The following FRMD5 variants were observed in gnomAD, a reference collection of about 807,000 sequenced individuals.
FRMD5 encodes the protein FERM domain containing 5, also known as FERM domain-containing protein 5.
A neutral mutation model predicts 69.0 loss-of-function variants in FRMD5; 20 were observed. The observed-to-expected ratio is 0.29, with a 90% confidence interval of 0.20 to 0.42. The LOEUF is 0.42. Ranked by LOEUF, FRMD5 falls within the 10% of genes least tolerant of loss-of-function variation. FRMD5 has a pLI of 1.00. For synonymous variants in FRMD5, 271 were observed against 260.1 expected (o/e 1.04, Z -0.40); for missense variants, 595 against 708.6 (o/e 0.84, Z 1.82).
At chr15:43,886,919 T>A (rs2088676454) in intron 10 of FRMD5, among the ~76,000 whole-genome samples, 3 of 152,054 alleles carry the variant, frequency 2.0e-5, no homozygotes, top group Admixed American at 1.3e-4. Flanking sequence ...AATGGAAAAC[T>A]GAAAAATGAC....
chr15:43,905,897 A>G lies in FRMD5; in HGVS notation c.482T>C (p.Phe161Ser), dbSNP rs749681148. The change falls in exon 6 of 14, where the codon TTC becomes TCC. Residue 161 changes from phenylalanine to serine, a missense_variant. Transcript: ENST00000417257. ...GKHPEGYSSK[F>S]QFFPKHSEKL... ...CTCTGAATGTTTAGGGAAAAACTGG[A>G]ACTTGGAGCTGTAGCCTTCAGGGTG... is the stretch of plus-strand genomic sequence containing the variant. 18 of 1,614,230 alleles carry G rather than the reference A, an allele frequency of 1.1e-5. No homozygotes were observed. The highest frequency in any genetic ancestry group is 1.5e-5 in the Non-Finnish European group (18 of 1,180,038).
chr15:44,042,192 T>C (rs921551242), intron 1 of FRMD5, among the ~76,000 whole-genome samples: 1 of 152,162 alleles, frequency 6.6e-6, no homozygotes, highest in Non-Finnish European at 1.5e-5. Context: ...AAGAAATGGA[T>C]AAATTCCGGG....
Position 43,873,064 on chromosome 15 carries a change from TA to T in FRMD5, c.*820del. The T allele has an allele frequency of 2.0e-6, 2 of 990,580 alleles. No homozygotes were observed. The highest frequency in any genetic ancestry group is 3.1e-6 in the Non-Finnish European group (2 of 652,934). The allele number at this position is 990,580 out of a possible 1,614,324, so 61.4% of individuals were successfully genotyped here. ...TTCGTTTAACGCCCCTGGAGCACTA[TA>T]AAAGTCTTGAGGTTCTTCGGAAAAA... On this transcript the variant is annotated 3_prime_UTR_variant, in exon 14 of 14. Transcript: ENST00000417257.
At chr15:43,950,497 G>A (rs1416989982) in intron 1 of FRMD5, among the ~76,000 whole-genome samples, 5 of 152,132 alleles carry the variant, frequency 3.3e-5, no homozygotes, top group African/African-American at 1.2e-4. Context: ...GCTACCTCAG[G>A]CATACTTGGA....
chr15:43,939,934 T>C (rs940214745), intron 1 of FRMD5, among the ~76,000 whole-genome samples: 2 of 152,070 alleles, frequency 1.3e-5, no homozygotes, highest in Non-Finnish European at 2.9e-5. Flanking sequence ...TCCCAGCGCT[T>C]TGGGAGGCAA....
chr15:44,147,229 C>T (rs2077370607), intron 1 of FRMD5, among the ~76,000 whole-genome samples: 1 of 152,108 alleles, frequency 6.6e-6, no homozygotes, highest in African/African-American at 2.4e-5. Context: ...TTCCCAGCAC[C>T]ATTTATTAAA....
chr15:44,069,890 A>T (rs961575628), intron 1 of FRMD5, among the ~76,000 whole-genome samples: 2 of 152,162 alleles, frequency 1.3e-5, no homozygotes, highest in Non-Finnish European at 2.9e-5. Context: ...TTTAATTTTT[A>T]AAAAATAGCT....
chr15:44,163,597 A>C (rs1442639966), intron 1 of FRMD5, among the ~76,000 whole-genome samples: 1 of 152,228 alleles, frequency 6.6e-6, no homozygotes, highest in Non-Finnish European at 1.5e-5. Flanking sequence ...TATGACTAAC[A>C]AAAGCTGAGT....
intron 1 of FRMD5, among the ~76,000 whole-genome samples, chr15:44,007,091 T>A (rs975956562): frequency 6.6e-6 from 1 of 152,162 alleles, no homozygotes; most frequent in Non-Finnish European, 1.5e-5. Context: ...CCCTGACCAG[T>A]CAGCAGCTGT....
At chr15:44,071,549 C>T (rs1399330508) in intron 1 of FRMD5, among the ~76,000 whole-genome samples, 2 of 152,220 alleles carry the variant, frequency 1.3e-5, no homozygotes, top group Non-Finnish European at 1.5e-5. Context: ...TTGGGACTAA[C>T]ATTTTACCAC....
chr15:43,902,276 G>C lies in FRMD5; in HGVS notation c.552-14C>G, dbSNP rs750173752. On this transcript the variant is annotated splice_polypyrimidine_tract_variant and intron_variant, in intron 6 of 13. Transcript: ENST00000417257. Reference sequence around the variant, plus strand: ...GGTGTTTGACCACTGGAATAAAGAAGATGAGATGATTTCAAGGTGTCTTGT... The same window carrying C: ...GGTGTTTGACCACTGGAATAAAGAACATGAGATGATTTCAAGGTGTCTTGT... The C allele has an allele frequency of 2.5e-6, 4 of 1,604,428 alleles. No homozygotes were observed. The highest frequency in any genetic ancestry group is 3.4e-6 in the Non-Finnish European group (4 of 1,171,218).
rs147823848 is a variant in FRMD5 at position 43,924,230 on chromosome 15, C to T, written c.182G>A (p.Arg61His). ...CCGCTGCTTATCTGGGTCTACAAAG[C>T]GGATACCAAAATAGTCTTTCTCAAG... ...NLLEKDYFGI[R>H]FVDPDKQRHW... The change falls in exon 2 of 14, where the codon CGC becomes CAC. Residue 61 changes from arginine to histidine, a missense_variant. By Grantham distance (29) the Arg-to-His change is conservative. Around this residue, in one of 5 missense-constraint regions of FRMD5, gnomAD observed 79 missense variants for 139.9 expected, o/e 0.56. Coordinates refer to ENST00000417257, the MANE Select transcript of FRMD5 (RefSeq NM_032892.5). 8.1e-6 allele frequency: 13 copies of T among 1,613,818 alleles called. No individual in the cohort carries two copies. Among genetic ancestry groups the T allele is most frequent in the African/African-American group, 4.0e-5 (3 of 74,882 alleles).
chr15:43,998,991 T>C (rs1028135097), intron 1 of FRMD5, among the ~76,000 whole-genome samples: 12 of 152,220 alleles, frequency 7.9e-5, no homozygotes, highest in African/African-American at 2.9e-4. Context: ...CATCAAATGC[T>C]AGGGATAGGA....
At chr15:44,076,918 C>G (rs1364017704) in intron 1 of FRMD5, among the ~76,000 whole-genome samples, 1 of 151,914 alleles carries the variant, frequency 6.6e-6, no homozygotes, top group Admixed American at 6.6e-5. Context: ...ACAGTTGTTA[C>G]CAAAAATCTC....
At chr15:43,884,541 C>T (rs1459164595) in intron 12 of FRMD5, among the ~76,000 whole-genome samples, 186 bp downstream of exon 12, 2 of 152,178 alleles carry the variant, frequency 1.3e-5, no homozygotes, top group African/African-American at 2.4e-5. Context: ...CTTCCTCCCT[C>T]CCCAGCTCTC....
intron 1 of FRMD5, among the ~76,000 whole-genome samples, chr15:43,937,107 A>G (rs2089773887): frequency 6.6e-6 from 1 of 152,236 alleles, no homozygotes; most frequent in African/African-American, 2.4e-5. Flanking sequence ...GGAAATTATC[A>G]AATGCCTTTC....
chr15:43,962,638 C>T (rs2090221564), intron 1 of FRMD5, among the ~76,000 whole-genome samples: 1 of 152,202 alleles, frequency 6.6e-6, no homozygotes, highest in Admixed American at 6.5e-5. Context: ...AGGCATCACA[C>T]TACCTGACTT....
intron 1 of FRMD5, among the ~76,000 whole-genome samples, chr15:43,932,995 G>A (rs963985460): frequency 6.6e-6 from 1 of 152,190 alleles, no homozygotes; most frequent in Non-Finnish European, 1.5e-5. Context: ...AGAGTTCCAT[G>A]GTCTGCCTTG....
chr15:43,888,341 C>T (rs1595484146), intron 9 of FRMD5, 75 bp from the exon 10 acceptor site: 1 of 1,041,740 alleles, frequency 9.6e-7, no homozygotes, highest in East Asian at 2.4e-5. Flanking sequence ...GGACCCTGAC[C>T]CCAGAGCTGT....
Sources: gnomAD v4.1 joint callset for allele counts (sites outside exome capture counted in the v4.1 genomes callset) on GRCh38, gnomAD v4.1.1 for gene constraint, gnomAD v4.1.1 regional missense constraint, MANE v1.5 for transcripts, NCBI Gene and HGNC (gene_info 2026-07-23, HGNC 2026-07-21) for gene names.